CTBP2: variants seen among roughly 807,000 people sequenced by gnomAD.
CTBP2 encodes the protein C-terminal-binding protein 2.
A neutral mutation model predicts 80.3 loss-of-function variants in CTBP2; 30 were observed. The ratio of observed to expected loss-of-function variants is 0.37; its 90% CI spans 0.28 to 0.51. CTBP2 has a LOEUF of 0.51. Ranked by LOEUF, CTBP2 falls within the 20% of genes least tolerant of loss-of-function variation. The pLI is 0.93. For missense variants in CTBP2, 1,212 were observed against 1,375.3 expected (o/e 0.88, Z 1.88); for synonymous variants, 594 against 587.4 (o/e 1.01, Z -0.16).
At chr10:125,036,569 G>A (rs566326179) in intron 3 of CTBP2, among the ~76,000 whole-genome samples, 1 of 152,026 alleles carries the variant, frequency 6.6e-6, no homozygotes, top group East Asian at 1.9e-4. Context: ...AGTGGGGAGG[G>A]AGAAAAAAAC....
At position 124,987,786 on chromosome 10, in the gene CTBP2, A is replaced by AT. The variant is rs1952093459; in HGVS notation, c.*1731dup. The AT allele has an allele frequency of 6.6e-6, 1 of 152,238 alleles. No individual in the cohort carries two copies. The highest frequency in any genetic ancestry group is 2.1e-4 in the South Asian group (1 of 4,832). 9.4% of individuals were successfully genotyped at this position (152,238 alleles called of 1,614,324 possible). A position where few individuals can be genotyped will look rare whatever the true frequency, so the allele number is the denominator to read the frequency against. On this transcript the variant is annotated 3_prime_UTR_variant, in exon 9 of 9. Coordinates refer to ENST00000309035, the MANE Select transcript of CTBP2 (RefSeq NM_022802.3). Reference sequence around the variant, plus strand: ...TTTTGTTTTAATTGGGAAGGGAAGTATAAGGAAGAGCTCAGAGGGAGTTTC... The same window carrying AT: ...TTTTGTTTTAATTGGGAAGGGAAGTATTAAGGAAGAGCTCAGAGGGAGTTTC...
rs560243606 is a variant in CTBP2 at position 124,986,667 on chromosome 10, T to G, written c.*2851A>C. ...TGTTGTTAAAAATTGGCTGTTTGCT[T>G]TCATTTTGGCCAATAAGTAATCAAG... On this transcript the variant is annotated 3_prime_UTR_variant, in exon 9 of 9. Coordinates refer to ENST00000309035, the MANE Select transcript of CTBP2 (RefSeq NM_022802.3). The G allele has an allele frequency of 1.3e-5, 2 of 152,218 alleles. No homozygotes were observed. Among genetic ancestry groups the G allele is most frequent in the Non-Finnish European group, 2.9e-5 (2 of 68,040 alleles). The allele number at this position is 152,218 out of a possible 1,614,324, so 9.4% of individuals were successfully genotyped here.
At position 125,027,594 on chromosome 10, in the gene CTBP2, G is replaced by A. The variant is rs767658182; in HGVS notation, c.166C>T (p.Arg56Ter). The A allele has an allele frequency of 7.4e-6, 12 of 1,613,960 alleles. No homozygotes were observed. Among genetic ancestry groups the A allele is most frequent in the East Asian group, 2.2e-5 (1 of 44,876 alleles). ...ACGGGCAGGGCAGCGTCCTGTGGTC[G>A]GTGGTTTGGCTCAAACCAAGTCCCC... Residue 56 changes from arginine to a stop codon, truncating the protein, a stop_gained, in exon 1 of 9, where the codon CGA becomes TGA. Transcript: ENST00000309035. LOFTEE classifies it high-confidence loss of function.
At chr10:125,067,396 A>G (rs570476858) in intron 2 of CTBP2, among the ~76,000 whole-genome samples, 64 of 152,242 alleles carry the variant, frequency 4.2e-4, no homozygotes, top group Non-Finnish European at 7.9e-4. Context: ...TTCAGTTAAT[A>G]TTAATGTATT....
At position 125,054,196 on chromosome 10, in the gene CTBP2, C is replaced by T. The variant is rs1275161827; in HGVS notation, c.-101-15041G>A. 2.6e-5 allele frequency among the ~76,000 whole-genome samples: 4 copies of T among 152,190 alleles called. No homozygotes were observed. In the South Asian group the frequency reaches 6.2e-4, roughly 24 times the overall value. ...GAAAAAGAATCAATCCCATGGCCCCCGGGGACCCCCAACCTTTTGGAATTC... is the reference window on the plus strand; with the variant it reads ...GAAAAAGAATCAATCCCATGGCCCCTGGGGACCCCCAACCTTTTGGAATTC... On this transcript the variant is annotated intron_variant, in intron 2 of 10. Transcript: ENST00000337195.
At chr10:125,072,634 G>GAAAAAAAAAAAAAAAAAAAAAAAAAAA (rs55742060) in intron 2 of CTBP2, among the ~76,000 whole-genome samples, 2 of 100,140 alleles carry the variant, frequency 2.0e-5, no homozygotes, top group African/African-American at 3.9e-5. Context: ...AAAAAGAAAA[G>GAAAAAAAAAAAAAAAAAAAAAAAAAAA]AAAAAAAAAA....
chr10:125,143,138 C>G (rs1426612081), intron 1 of CTBP2, among the ~76,000 whole-genome samples: 2 of 152,184 alleles, frequency 1.3e-5, no homozygotes, highest in Non-Finnish European at 1.5e-5. Context: ...CCCACGACAT[C>G]CCGCACACAG....
In CTBP2 at chr10:125,003,024, C is replaced by T; in HGVS notation, c.1914G>A (p.Leu638=). The change falls in exon 3 of 9, where the codon CTG becomes CTA. Residue 638 remains leucine, a synonymous_variant. Transcript: ENST00000309035. ...CACTGCCTATCCGCACGATCACTCT[C>T]AGGGCCTTGAACTTCTCCAGGTCCT... 1 of 1,614,064 alleles carries T rather than the reference C, an allele frequency of 6.2e-7. No individual in the cohort carries two copies. Among genetic ancestry groups the T allele is most frequent in the Non-Finnish European group, 8.5e-7 (1 of 1,180,018 alleles).
intron 1 of CTBP2, among the ~76,000 whole-genome samples, chr10:125,013,361 T>C (rs951842883): frequency 1.3e-5 from 2 of 152,210 alleles, no homozygotes; most frequent in African/African-American, 4.8e-5. Flanking sequence ...GCCTGGAAGC[T>C]GGGGAAATAC....
intron 1 of CTBP2, among the ~76,000 whole-genome samples, chr10:125,154,256 C>G (rs181769732): frequency 2.6e-5 from 4 of 152,166 alleles, no homozygotes; most frequent in African/African-American, 9.7e-5. Context: ...TCCCTCTCCC[C>G]CCTCACCCCT....
At chr10:125,076,647 G>A (rs890303536) in intron 2 of CTBP2, among the ~76,000 whole-genome samples, 4 of 152,198 alleles carry the variant, frequency 2.6e-5, no homozygotes, top group Admixed American at 6.5e-5. Flanking sequence ...CCGACCTGAC[G>A]TGGAAGACAC....
At chr10:125,006,287 C>T (rs574796840) in intron 1 of CTBP2, among the ~76,000 whole-genome samples, 11 of 135,872 alleles carry the variant, frequency 8.1e-5, no homozygotes, top group Admixed American at 2.2e-4. Flanking sequence ...GAAAAGATGC[C>T]GGGCACGACG....
At chr10:125,070,386 T>C (rs1240885325) in intron 2 of CTBP2, among the ~76,000 whole-genome samples, 1 of 151,606 alleles carries the variant, frequency 6.6e-6, no homozygotes, top group East Asian at 1.9e-4. Flanking sequence ...ATCGTACTAA[T>C]GTAAGATGTT....
chr10:125,149,132 G>C (rs1369230632), intron 1 of CTBP2, among the ~76,000 whole-genome samples: 1 of 152,122 alleles, frequency 6.6e-6, no homozygotes, highest in African/African-American at 2.4e-5. Context: ...ACAGGACAGG[G>C]GACACACCAT....
Position 124,986,686 on chromosome 10 carries a change from A to AATC in CTBP2, c.*2829_*2831dup, listed in dbSNP as rs1952052770. ...TTTGCTTTCATTTTGGCCAATAAGT[A>AATC]ATCAAGTTTGTAGAAAATGTTAGCA... On this transcript the variant is annotated 3_prime_UTR_variant, in exon 9 of 9. Coordinates refer to ENST00000309035, the MANE Select transcript of CTBP2 (RefSeq NM_022802.3). 1 of 152,202 alleles carries AATC rather than the reference A, an allele frequency of 6.6e-6. No homozygotes were observed. The highest frequency in any genetic ancestry group is 2.4e-5 in the African/African-American group (1 of 41,438). 9.4% of individuals were successfully genotyped at this position (152,202 alleles called of 1,614,324 possible).
chr10:125,159,398 TGCCCGGCCC>T (rs1231337523), intron 1 of CTBP2, among the ~76,000 whole-genome samples: 182 of 136,772 alleles, frequency 1.3e-3, no homozygotes, highest in African/African-American at 1.9e-3. Flanking sequence ...GCAGAGGAAA[TGCCCGGCCC>T]GCCCGGCCCC....
At chr10:125,060,299 G>A (rs887806966) in intron 2 of CTBP2, among the ~76,000 whole-genome samples, 10 of 152,172 alleles carry the variant, frequency 6.6e-5, no homozygotes, top group South Asian at 4.1e-4. Context: ...CTCTTCACAC[G>A]ACAAATGATC....
Position 125,026,095 on chromosome 10 carries a change from A to T in CTBP2, c.1665T>A (p.Leu555=). The T allele has an allele frequency of 6.4e-7, 1 of 1,568,616 alleles. No homozygotes were observed. Among genetic ancestry groups the T allele is most frequent in the Admixed American group, 1.7e-5 (1 of 57,678 alleles). The change falls in exon 1 of 9, where the codon CTT becomes CTA. Residue 555 remains leucine, a synonymous_variant. Coordinates refer to ENST00000309035, the MANE Select transcript of CTBP2 (RefSeq NM_022802.3). ...AGGATGTATTACTTGGTTCTGGTGC[A>T]AGCATGGTGGACACGATGATGGGTG...
intron 2 of CTBP2, among the ~76,000 whole-genome samples, chr10:125,082,152 A>T (rs946404365): frequency 6.6e-6 from 1 of 152,230 alleles, no homozygotes; most frequent in Non-Finnish European, 1.5e-5. Context: ...AGGGCTGGCC[A>T]CGCCGGAGCT....
Sources: allele counts gnomAD v4.1 joint callset (sites outside exome capture counted in the v4.1 genomes callset), GRCh38; gene constraint gnomAD v4.1.1; transcripts MANE v1.5; gene names NCBI Gene and HGNC (gene_info 2026-07-23, HGNC 2026-07-21).